The following C12orf42 variants were observed in gnomAD, a reference collection of about 807,000 sequenced individuals.
C12orf42 encodes uncharacterized protein C12orf42.
In C12orf42, 25 loss-of-function variants were observed where a neutral mutation model predicts 21.6. The ratio of observed to expected loss-of-function variants is 1.16; its 90% CI spans 0.84 to 1.62. The LOEUF is 1.62. Among genes scored for constraint, C12orf42 ranks in the 40% most tolerant of loss-of-function variants. C12orf42 has a pLI of 0.00. For synonymous variants in C12orf42, 174 were observed against 175.0 expected (o/e 0.99, Z 0.05); for missense variants, 483 against 459.3 (o/e 1.05, Z -0.47).
At chr12:103,182,557 T>G in the C12orf42 span, among the ~76,000 whole-genome samples, 1 of 152,056 alleles carries the variant, frequency 6.6e-6, no homozygotes, top group African/African-American at 2.4e-5. Context: ...CAGAAACAGT[T>G]ACTTAATAAA....
intron 4 of C12orf42, among the ~76,000 whole-genome samples, chr12:103,341,420 A>C (rs773477234): frequency 1.3e-5 from 2 of 152,172 alleles, no homozygotes; most frequent in Non-Finnish European, 2.9e-5. Context: ...GCACAATTGG[A>C]GGTCACAAAA....
In C12orf42 at chr12:103,273,910, G is replaced by A. The variant is rs934911011; in HGVS notation, n.398+3240C>T. The A allele has an allele frequency of 8.8e-6, 4 of 456,076 alleles. No individual in the cohort carries two copies. In the East Asian group the frequency reaches 2.1e-4, roughly 24 times the overall value. The allele number at this position is 456,076 out of a possible 1,614,324, so 28.3% of individuals were successfully genotyped here. On this transcript the variant is annotated intron_variant and non_coding_transcript_variant, in intron 5 of 6. Transcript: ENST00000546526. ...TAGAAAGCCAAAGTCCAAGGAGGAC[G>A]AGCAGAAAAGTGCTTTTCGCATACT...
chr12:103,499,934 G>T (rs1339436519), upstream of C12orf42, among the ~76,000 whole-genome samples: 7 of 152,190 alleles, frequency 4.6e-5, no homozygotes. Flanking sequence ...AATTAGATCA[G>T]TAACATTCAT....
At chr12:103,128,167 C>T in the C12orf42 span, among the ~76,000 whole-genome samples, 4 of 152,186 alleles carry the variant, frequency 2.6e-5, no homozygotes, top group African/African-American at 7.2e-5. Context: ...AGGGATCATG[C>T]TTCCCAGTTG....
chr12:103,111,816 C>G, the C12orf42 span, among the ~76,000 whole-genome samples: 127 of 152,200 alleles, frequency 8.3e-4, no homozygotes, highest in Non-Finnish European at 1.6e-3. Context: ...CAGAATTTAC[C>G]TACATTATCA....
chr12:103,113,878 C>T, the C12orf42 span, among the ~76,000 whole-genome samples: 1 of 152,170 alleles, frequency 6.6e-6, no homozygotes, highest in African/African-American at 2.4e-5. Flanking sequence ...AATACCATTT[C>T]CAACCAGGTT....
chr12:103,284,630 C>A (rs1010866620), intron 4 of C12orf42, among the ~76,000 whole-genome samples: 5 of 152,164 alleles, frequency 3.3e-5, no homozygotes, highest in African/African-American at 1.2e-4. Context: ...TACAGTATCG[C>A]TAATACCAAG....
At chr12:103,506,885 AT>A in the C12orf42 span, among the ~76,000 whole-genome samples, 326 of 52,268 alleles carry the variant, frequency 6.2e-3, 10 homozygotes, top group South Asian at 0.012. Flanking sequence ...TATATTATAT[AT>A]TAAATATATA....
the C12orf42 span, chr12:103,503,932 G>T: frequency 6.4e-6 from 1 of 155,712 alleles, no homozygotes; most frequent in South Asian, 1.8e-4. Flanking sequence ...GGTTGGCAAT[G>T]AGTGTCTAGT....
chr12:103,218,046 C>A, the C12orf42 span, among the ~76,000 whole-genome samples: 1 of 152,116 alleles, frequency 6.6e-6, no homozygotes, highest in Non-Finnish European at 1.5e-5. Context: ...TTTTGGGAGG[C>A]GAGGTGAGTG....
the C12orf42 span, among the ~76,000 whole-genome samples, chr12:103,210,639 C>CTTTTTTTTTTT: frequency 3.4e-3 from 260 of 77,374 alleles, 2 homozygotes; most frequent in Middle Eastern, 9.8e-3. Context: ...CCCTCTATTT[C>CTTTTTTTTTTT]TTTTTTTTTT....
Position 103,351,181 on chromosome 12 carries a change from C to T in C12orf42, c.259+17706G>A, listed in dbSNP as rs562994435. On this transcript the variant is annotated intron_variant, in intron 4 of 5. Coordinates refer to ENST00000548883, the MANE Select transcript of C12orf42 (RefSeq NM_198521.5). ...TCAGCCTAAAGGTTTTACTGTACAT[C>T]GTGAACTGTAACAAGTTGAGGTGTA... Among the ~76,000 whole-genome samples, 30 of 152,256 alleles carry T rather than the reference C, an allele frequency of 2.0e-4. No homozygotes were observed. In the South Asian group the frequency reaches 5.8e-3, roughly 29 times the overall value.
At position 103,373,151 on chromosome 12, in the gene C12orf42, T is replaced by C. The variant is rs79025969; in HGVS notation, c.148-4153A>G. 8.7e-3 allele frequency among the ~76,000 whole-genome samples: 1,325 copies of C among 152,218 alleles called. 17 individuals carry two copies. The highest frequency in any genetic ancestry group is 0.018 in the African/African-American group (749 of 41,540). Reference sequence around the variant, plus strand: ...ATATATGAAAGCACAACCCCCACCTTTTTTCTTTTAAGATGTGCAAACTTT... The same window carrying C: ...ATATATGAAAGCACAACCCCCACCTCTTTTCTTTTAAGATGTGCAAACTTT... On this transcript the variant is annotated intron_variant, in intron 3 of 5. Transcript: ENST00000548883.
chr12:103,396,550 A>T (rs1036103179), intron 3 of C12orf42: 1 of 152,242 alleles, frequency 6.6e-6, no homozygotes, highest in Non-Finnish European at 1.5e-5. Flanking sequence ...AGTATATGAG[A>T]TATGGGCACT....
the C12orf42 span, among the ~76,000 whole-genome samples, chr12:103,170,880 A>C: frequency 1.3e-5 from 2 of 152,188 alleles, no homozygotes; most frequent in African/African-American, 4.8e-5. Flanking sequence ...TGATATCTTA[A>C]AGATCATCTA....
the C12orf42 span, among the ~76,000 whole-genome samples, chr12:103,101,821 A>G: frequency 6.6e-6 from 1 of 152,124 alleles, no homozygotes; most frequent in Non-Finnish European, 1.5e-5. Context: ...GGCTGGATTT[A>G]CTCGTGTGTC....
intron 2 of C12orf42, among the ~76,000 whole-genome samples, chr12:103,419,602 G>C (rs773496043): frequency 3.0e-4 from 45 of 152,156 alleles, no homozygotes; most frequent in Non-Finnish European, 5.7e-4. Context: ...TCCCTAAACA[G>C]AGTCCCCCAT....
chr12:103,271,725 T>A (rs1186728510), intron 5 of C12orf42, among the ~76,000 whole-genome samples: 1 of 152,174 alleles, frequency 6.6e-6, no homozygotes, highest in East Asian at 1.9e-4. Flanking sequence ...CACTGGGGGA[T>A]ATAGTACTCT....
chr12:103,235,526 T>C (rs2033440557), downstream of C12orf42, among the ~76,000 whole-genome samples: 1 of 152,212 alleles, frequency 6.6e-6, no homozygotes, highest in African/African-American at 2.4e-5. Context: ...TACTAATTTT[T>C]GGAAACTTAT....
Sources: gnomAD v4.1 joint callset for allele counts (sites outside exome capture counted in the v4.1 genomes callset) on GRCh38, gnomAD v4.1.1 for gene constraint, MANE v1.5 for transcripts, NCBI Gene and HGNC (gene_info 2026-07-23, HGNC 2026-07-21) for gene names.